Variants in CEP290 observed in about 807,000 individuals in gnomAD.
The protein encoded by CEP290 is centrosomal protein 290, also known as centrosomal protein of 290 kDa.
CEP290 carries 317 observed loss-of-function variants against 344.9 expected under a neutral mutation model. The ratio of observed to expected loss-of-function variants is 0.92; its 90% CI spans 0.84 to 1.01. The LOEUF (loss-of-function observed/expected upper bound fraction) is 1.01. CEP290 is among the 50% of genes least tolerant of loss of function. The pLI, the probability that CEP290 is intolerant of heterozygous loss-of-function variation, is 0.00. For synonymous variants in CEP290, 932 were observed against 895.8 expected (o/e 1.04, Z -0.72); for missense variants, 2,754 against 2,761.4 (o/e 1.00, Z 0.06).
chr12:88,056,669 C>T (rs1014097539), intron 49 of CEP290, among the ~76,000 whole-genome samples: 1 of 152,042 alleles, frequency 6.6e-6, no homozygotes, highest in African/African-American at 2.4e-5. Flanking sequence ...TAAAACAGCC[C>T]CCACATCACC....
In CEP290 at chr12:88,128,998, T is replaced by A. The variant is rs765404668; in HGVS notation, c.890A>T (p.Glu297Val). Residue 297 changes from glutamate (E) to valine (V), a missense_variant, in exon 11 of 54, where the codon GAA becomes GTA. Coordinates refer to ENST00000552810, the MANE Select transcript of CEP290 (RefSeq NM_025114.4). ...ELTDLLKSKN[E>V]EDDPIMVAVN... ...AGCTACCATAATTGGATCATCTTCT[T>A]CATTTTTTGATTTCAGAAGATCTGT... The A allele has an allele frequency of 2.6e-6, 4 of 1,538,186 alleles. No individual in the cohort carries two copies. In the African/African-American group the frequency reaches 4.3e-5, roughly 16 times the overall value.
intron 13 of CEP290, 92 bp from the exon 14 acceptor site, chr12:88,121,258 C>T: frequency 1.2e-6 from 1 of 864,920 alleles, no homozygotes; most frequent in Non-Finnish European, 1.7e-6. Flanking sequence ...AGTGGTATGC[C>T]ATTAAAAAAA....
intron 41 of CEP290, among the ~76,000 whole-genome samples, chr12:88,074,721 C>G (rs147730127): frequency 1.2e-4 from 18 of 152,280 alleles, no homozygotes; most frequent in African/African-American, 4.1e-4. Context: ...AACCCTAATA[C>G]GAGGGGGTCC....
intron 47 of CEP290, 102 bp downstream of exon 47, chr12:88,060,728 A>T: frequency 1.2e-6 from 1 of 850,312 alleles, no homozygotes; most frequent in Non-Finnish European, 1.8e-6. Context: ...TATTGTATTC[A>T]TTAAAGCCAT....
intron 12 of CEP290, 79 bp downstream of exon 12, chr12:88,126,237 T>C: frequency 8.4e-7 from 1 of 1,192,744 alleles, no homozygotes; most frequent in Non-Finnish European, 1.1e-6. Flanking sequence ...GCACTGATGA[T>C]ATAATAAATA....
At chr12:88,121,255 T>C (rs2039381871) in intron 13 of CEP290, 89 bp from the exon 14 acceptor site, 32 of 916,022 alleles carry the variant, frequency 3.5e-5, no homozygotes, top group Non-Finnish European at 4.8e-5. Context: ...AAAAGTGGTA[T>C]GCCATTAAAA....
chr12:88,132,205 T>C (rs1190260408), intron 6 of CEP290, among the ~76,000 whole-genome samples: 1 of 152,196 alleles, frequency 6.6e-6, no homozygotes, highest in Non-Finnish European at 1.5e-5. Flanking sequence ...TTATAAACAT[T>C]ATGATGCCTT....
rs76233478 is a variant in CEP290, at chr12:88,130,760, T to C, written c.496-195A>G. On this transcript the variant is annotated intron_variant, in intron 7 of 53. Transcript: ENST00000552810. ...ATTATGTTAGAAACTTAAGAACTTC[T>C]ATCAGAATAAACAATGTACAAACAT... Among the ~76,000 whole-genome samples, 418 of 152,192 alleles carry C rather than the reference T, an allele frequency of 2.7e-3. 4 individuals carry two copies. The highest frequency in any genetic ancestry group is 9.6e-3 in the African/African-American group (400 of 41,552).
At position 88,086,638 on chromosome 12, in the gene CEP290, A is replaced by T. The variant is rs573172179; in HGVS notation, c.4195-140T>A. The T allele has an allele frequency of 1.1e-3, 624 of 591,174 alleles. 2 individuals carry two copies. The highest frequency in any genetic ancestry group is 2.5e-3 in the Admixed American group (75 of 30,438). The allele number at this position is 591,174 out of a possible 1,614,324, so 36.6% of individuals were successfully genotyped here. On this transcript the variant is annotated intron_variant, in intron 32 of 53. Coordinates refer to ENST00000552810, the MANE Select transcript of CEP290 (RefSeq NM_025114.4). ...ATTTTCCTTTTATGGAAAAAAATAC[A>T]AACTCAGAGAGGTGAAGTAACTTGT... is the stretch of plus-strand genomic sequence containing the variant.
At chr12:88,062,815 T>G (rs899585566) in intron 45 of CEP290, 37 bp from the exon 46 acceptor site, 1 of 1,304,970 alleles carries the variant, frequency 7.7e-7, no homozygotes, top group Non-Finnish European at 1.1e-6. Context: ...TAATTTAACA[T>G]AGCTACAGCC....
rs779213141 is a variant in CEP290, at chr12:88,131,214, G to A, written c.446C>T (p.Ala149Val). ...ATTTTCTGCCTCCTCATTTCGAAGA[G>A]CCAACTAAAATAGTAAAAAAAAAAA... Reference protein sequence around the residue: ...EKEKKVNEQLALRNEEAENEN... With the variant: ...EKEKKVNEQLVLRNEEAENEN... The change falls in exon 7 of 54, where the codon GCT (alanine) becomes GTT (valine). Residue 149 changes from alanine to valine, a missense_variant. By Grantham distance (64) the Ala-to-Val change is moderately conservative. Transcript: ENST00000552810. The A allele has an allele frequency of 4.7e-6, 7 of 1,490,984 alleles. No homozygotes were observed. The highest frequency in any genetic ancestry group is 2.8e-5 in the South Asian group (2 of 71,992). 92.4% of individuals were successfully genotyped at this position (1,490,984 alleles called of 1,614,324 possible).
chr12:88,136,899 C>A, intron 5 of CEP290, 113 bp from the exon 6 acceptor site: 1 of 934,552 alleles, frequency 1.1e-6, no homozygotes, highest in Non-Finnish European at 1.6e-6. Flanking sequence ...TACTTCAGTG[C>A]AGATATTTAA....
chr12:88,117,226 A>C, intron 17 of CEP290, 81 bp from the exon 18 acceptor site: 1 of 688,298 alleles, frequency 1.5e-6, no homozygotes, highest in Non-Finnish European at 2.4e-6. Flanking sequence ...TAAAACCTAC[A>C]ATCAAGTTTT....
chr12:88,098,497 A>T (rs2037626676), intron 26 of CEP290, among the ~76,000 whole-genome samples: 1 of 152,054 alleles, frequency 6.6e-6, no homozygotes, highest in African/African-American at 2.4e-5. Context: ...CTGTAATCCC[A>T]GCTATTTTGG....
Position 88,117,021 on chromosome 12 carries a change from C to A in CEP290, c.1824+12G>T. 4 of 1,090,022 alleles carry A rather than the reference C, an allele frequency of 3.7e-6. No homozygotes were observed. The highest frequency in any genetic ancestry group is 4.1e-6 in the Non-Finnish European group (3 of 737,498). The allele number at this position is 1,090,022 out of a possible 1,614,324, so 67.5% of individuals were successfully genotyped here. A position where few individuals can be genotyped will look rare whatever the true frequency, so the allele number is the denominator to read the frequency against. ...ATTTTCCTTTACTCTCTTTGCAATACTTTACTATTACCTTTGATTGTGCTT... is the reference window on the plus strand; with the variant it reads ...ATTTTCCTTTACTCTCTTTGCAATAATTTACTATTACCTTTGATTGTGCTT... On this transcript the variant is annotated intron_variant, in intron 18 of 53. Coordinates refer to ENST00000552810, the MANE Select transcript of CEP290 (RefSeq NM_025114.4).
At chr12:88,070,415 T>G (rs1464925650) in intron 43 of CEP290, among the ~76,000 whole-genome samples, 1 of 152,176 alleles carries the variant, frequency 6.6e-6, no homozygotes, top group Non-Finnish European at 1.5e-5. Flanking sequence ...CTTCTAATTC[T>G]AGCTCGAGTA....
chr12:88,084,772 C>G lies in CEP290; in HGVS notation c.4518G>C (p.Arg1506Ser). The G allele has an allele frequency of 6.2e-7, 1 of 1,613,384 alleles. No homozygotes were observed. The highest frequency in any genetic ancestry group is 8.5e-7 in the Non-Finnish European group (1 of 1,179,620). Residue 1506 changes from arginine (R) to serine (S), a missense_variant, in exon 35 of 54, where the codon AGG (arginine) becomes AGC (serine). By Grantham distance (110) the Arg-to-Ser change is moderately radical. Transcript: ENST00000552810. ...TTTCTGCAGTGGCAGGCAATCGAAG[C>G]CTCAGTTCATTGATTACTTTGTCTC... ...LSRDKVINEL[R>S]LRLPATAERE...
chr12:88,101,437 C>T (rs933739630), intron 26 of CEP290, among the ~76,000 whole-genome samples: 2 of 144,754 alleles, frequency 1.4e-5, no homozygotes, highest in Non-Finnish European at 3.0e-5. Context: ...GCCAAGATGG[C>T]GCCACTGCAC....
chr12:88,089,271 G>A lies in CEP290; in HGVS notation c.3790C>T (p.Arg1264Cys), dbSNP rs139998038. The change falls in exon 31 of 54, where the codon CGC becomes TGC. Residue 1264 changes from arginine to cysteine, a missense_variant. Physicochemically the swap from Arg to Cys is radical, Grantham distance 180. Transcript: ENST00000552810. ...CGTCGTAGAGACTGAATTGTTTGGC[G>A]CAGATGTTTTGCTCTGTTTCTTCCC... The part of the protein sequence containing the change: ...LEGRNRAKHL[R>C]QTIQSLRRQF... The A allele has an allele frequency of 3.4e-4, 545 of 1,613,868 alleles. 1 individual carries two copies. The African/African-American group carries it at 6.1e-3, about 18-fold the overall frequency.
Sources: allele counts gnomAD v4.1 joint callset (sites outside exome capture counted in the v4.1 genomes callset), GRCh38; gene constraint gnomAD v4.1.1; transcripts MANE v1.5; gene names NCBI Gene and HGNC (gene_info 2026-07-23, HGNC 2026-07-21).